NUDT3: variants seen among roughly 807,000 people sequenced by gnomAD.
NUDT3 encodes the protein diphosphoinositol polyphosphate phosphohydrolase 1.
A neutral mutation model predicts 23.6 loss-of-function variants in NUDT3; 9 were observed. That is an observed-to-expected ratio of 0.38 (90% CI 0.23 to 0.66). The LOEUF (loss-of-function observed/expected upper bound fraction) is 0.66. NUDT3 is among the 30% of genes least tolerant of loss of function. The pLI is 0.52. For missense variants in NUDT3, 172 were observed against 218.5 expected (o/e 0.79, Z 1.34); for synonymous variants, 86 against 82.6 (o/e 1.04, Z -0.22).
chr6:34,351,224 A>AAAAAAAAAAAAAAAAAAAAC (rs1374203552), intron 1 of NUDT3, among the ~76,000 whole-genome samples: 3 of 136,252 alleles, frequency 2.2e-5, no homozygotes, highest in African/African-American at 5.9e-5. Context: ...AAAAAAAAAA[A>AAAAAAAAAAAAAAAAAAAAC]AACACTTTGG....
chr6:34,386,034 A>T lies in NUDT3; in HGVS notation c.99+6230T>A, dbSNP rs1364457146. Among the ~76,000 whole-genome samples, 5 of 152,338 alleles carry T rather than the reference A, an allele frequency of 3.3e-5. No individual in the cohort carries two copies. The East Asian group carries it at 7.7e-4, about 23-fold the overall frequency. On this transcript the variant is annotated intron_variant, in intron 1 of 4. Coordinates refer to ENST00000607016, the MANE Select transcript of NUDT3 (RefSeq NM_006703.4). ...ACTGGTTAAGTTGCACAATTACAAT[A>T]ACAAGTACAATGAACATAAACAGAT...
At chr6:34,339,711 G>A (rs1373572963) in intron 2 of NUDT3, among the ~76,000 whole-genome samples, 4 of 152,138 alleles carry the variant, frequency 2.6e-5, no homozygotes, top group South Asian at 2.1e-4. Context: ...GCCCTATAAT[G>A]GCAGAGTTAA....
chr6:34,290,576 C>T (rs1234616101), intron 4 of NUDT3, among the ~76,000 whole-genome samples: 1 of 151,138 alleles, frequency 6.6e-6, no homozygotes, highest in Non-Finnish European at 1.5e-5. Flanking sequence ...TGAGACATTG[C>T]CATTGCTAGA....
intron 1 of NUDT3, among the ~76,000 whole-genome samples, chr6:34,354,444 C>T (rs961763501): frequency 2.0e-5 from 3 of 149,248 alleles, no homozygotes; most frequent in Admixed American, 6.7e-5. Context: ...CACTCTTGGC[C>T]GGGCACAGTG....
At chr6:34,301,264 A>C (rs1241637297) in intron 2 of NUDT3, among the ~76,000 whole-genome samples, 1 of 149,148 alleles carries the variant, frequency 6.7e-6, no homozygotes, top group Non-Finnish European at 1.5e-5. Context: ...AGATATTTTC[A>C]AGTTGGTCTC....
chr6:34,340,277 A>G (rs1764268694), intron 2 of NUDT3, among the ~76,000 whole-genome samples: 2 of 152,326 alleles, frequency 1.3e-5, no homozygotes, highest in South Asian at 2.1e-4. Context: ...ATGCGATATA[A>G]TAAGCCTGTT....
In NUDT3 at chr6:34,382,072, CAAAAAAAAAAAA is replaced by C. The variant is rs957166787; in HGVS notation, c.99+10180_99+10191del. On this transcript the variant is annotated intron_variant, in intron 1 of 4. Transcript: ENST00000607016. ...TGAGCGACAGAGCGAGACTCTATCTCAAAAAAAAAAAAAAAAAAAAAAAAAAATTAAATAATC... is the reference window on the plus strand; with the variant it reads ...TGAGCGACAGAGCGAGACTCTATCTCAAAAAAAAAAAAAAATTAAATAATC... Among the ~76,000 whole-genome samples the C allele has an allele frequency of 1.1e-3, 37 of 34,966 alleles. 1 individual carries two copies. Among genetic ancestry groups the C allele is most frequent in the Non-Finnish European group, 1.9e-3 (32 of 17,004 alleles). The allele number at this position is 34,966 out of a possible 152,430, so 22.9% of individuals were successfully genotyped here.
chr6:34,301,738 C>T (rs935640285), intron 2 of NUDT3, among the ~76,000 whole-genome samples: 1 of 152,232 alleles, frequency 6.6e-6, no homozygotes, highest in Non-Finnish European at 1.5e-5. Flanking sequence ...TAAGCCACTG[C>T]ATTTTGGAAT....
intron 2 of NUDT3, among the ~76,000 whole-genome samples, chr6:34,322,616 A>G (rs964936956): frequency 6.6e-6 from 1 of 152,250 alleles, no homozygotes; most frequent in Non-Finnish European, 1.5e-5. Context: ...CAGCCTAAAA[A>G]GACATACAAG....
At chr6:34,372,978 A>C (rs533841985) in intron 1 of NUDT3, among the ~76,000 whole-genome samples, 13 of 151,508 alleles carry the variant, frequency 8.6e-5, no homozygotes, top group East Asian at 4.0e-4. Flanking sequence ...AGAGAGAGAG[A>C]GAGCGAGAGC....
At chr6:34,379,821 C>T (rs1435165799) in intron 1 of NUDT3, among the ~76,000 whole-genome samples, 1 of 151,748 alleles carries the variant, frequency 6.6e-6, no homozygotes, top group Non-Finnish European at 1.5e-5. Context: ...TCGAGATCAG[C>T]CTGGCCAACA....
At chr6:34,326,042 G>T (rs1485051287) in intron 2 of NUDT3, among the ~76,000 whole-genome samples, 1 of 150,936 alleles carries the variant, frequency 6.6e-6, no homozygotes, top group Non-Finnish European at 1.5e-5. Context: ...TAAAGATAAA[G>T]CCATAGGCCA....
intron 1 of NUDT3, among the ~76,000 whole-genome samples, chr6:34,380,219 T>G (rs917007623): frequency 1.6e-4 from 25 of 151,886 alleles, no homozygotes; most frequent in African/African-American, 5.3e-4. Flanking sequence ...GCCCGGCTAA[T>G]TTTTGTATAT....
chr6:34,314,390 TAAAAA>T (rs5875502), intron 2 of NUDT3, among the ~76,000 whole-genome samples: 2 of 123,968 alleles, frequency 1.6e-5, no homozygotes, highest in East Asian at 2.3e-4. Context: ...CTGTCTCTAC[TAAAAA>T]AAAAAAAAAA....
chr6:34,351,628 G>A (rs1764478510), intron 1 of NUDT3, among the ~76,000 whole-genome samples: 1 of 147,900 alleles, frequency 6.8e-6, no homozygotes, highest in East Asian at 1.9e-4. Context: ...TGTAATCCCA[G>A]CTATCGGGAG....
At chr6:34,382,244 A>T (rs1157062499) in intron 1 of NUDT3, among the ~76,000 whole-genome samples, 1 of 151,840 alleles carries the variant, frequency 6.6e-6, no homozygotes, top group Non-Finnish European at 1.5e-5. Flanking sequence ...AAAAATAAAA[A>T]AAATATATAT....
chr6:34,327,457 G>A (rs539253561), intron 2 of NUDT3, among the ~76,000 whole-genome samples: 83 of 151,390 alleles, frequency 5.5e-4, no homozygotes, highest in African/African-American at 1.8e-3. Flanking sequence ...TTGAACCTGG[G>A]AGGTGGAGGT....
intron 4 of NUDT3, among the ~76,000 whole-genome samples, chr6:34,291,612 C>A (rs1295040441): frequency 6.6e-6 from 1 of 152,122 alleles, no homozygotes; most frequent in Non-Finnish European, 1.5e-5. Flanking sequence ...AAGTTATTCT[C>A]CTGCCTCAGC....
intron 1 of NUDT3, among the ~76,000 whole-genome samples, chr6:34,374,266 T>C (rs965020009): frequency 2.6e-5 from 4 of 152,018 alleles, no homozygotes; most frequent in African/African-American, 9.7e-5. Flanking sequence ...ACCAGAATTA[T>C]CACAGTAGAC....
Sources: allele counts gnomAD v4.1 joint callset (sites outside exome capture counted in the v4.1 genomes callset), GRCh38; gene constraint gnomAD v4.1.1; transcripts MANE v1.5; gene names NCBI Gene and HGNC (gene_info 2026-07-23, HGNC 2026-07-21).